RASGEF1A: variants seen among roughly 807,000 people sequenced by gnomAD.
The protein encoded by RASGEF1A is RasGEF domain family member 1A, also known as ras-GEF domain-containing family member 1A.
Under a neutral mutation model 56.4 loss-of-function variants are expected in RASGEF1A, and 18 were observed. The ratio of observed to expected loss-of-function variants is 0.32; its 90% CI spans 0.22 to 0.47. The LOEUF is 0.47. Among genes scored for constraint, RASGEF1A ranks in the 20% least tolerant of loss-of-function variants. The probability of loss-of-function intolerance (pLI) is 1.00; values close to 1 mark genes in which losing one functional copy is unlikely to be tolerated. For missense variants in RASGEF1A, 422 were observed against 627.1 expected, an observed-to-expected ratio of 0.67 and a Z score of 3.49; for synonymous variants, 245 against 242.6, an observed-to-expected ratio of 1.01 and a Z score of -0.09.
chr10:43,203,269 G>T (rs753031517), intron 3 of RASGEF1A, 29 bp downstream of exon 3: 2 of 1,348,388 alleles, frequency 1.5e-6, no homozygotes, highest in Non-Finnish European at 1.9e-6. Context: ...CCCTGCCCCC[G>T]CCCGTGCCCC....
chr10:43,262,513 C>A (rs1233391304), intron 1 of RASGEF1A, among the ~76,000 whole-genome samples: 1 of 152,224 alleles, frequency 6.6e-6, no homozygotes, highest in East Asian at 1.9e-4. Context: ...GTGGCCCAGG[C>A]CAGGCACCTC....
intron 1 of RASGEF1A, among the ~76,000 whole-genome samples, chr10:43,228,796 T>C (rs753224556): frequency 7.4e-4 from 112 of 152,174 alleles, no homozygotes; most frequent in Non-Finnish European, 8.5e-4. Context: ...AGGACAACAC[T>C]CTCCGTGCTG....
intron 1 of RASGEF1A, among the ~76,000 whole-genome samples, chr10:43,211,960 C>T (rs1217805381): frequency 6.6e-6 from 1 of 152,170 alleles, no homozygotes; most frequent in Non-Finnish European, 1.5e-5. Context: ...TGGAGCAGAA[C>T]CAGGTATGTG....
chr10:43,235,931 C>G (rs1840425895), intron 1 of RASGEF1A, among the ~76,000 whole-genome samples: 1 of 152,056 alleles, frequency 6.6e-6, no homozygotes, highest in South Asian at 2.1e-4. Flanking sequence ...CAACAGGGAC[C>G]CCTCCCATCA....
chr10:43,255,364 G>C (rs1840676676), intron 1 of RASGEF1A, among the ~76,000 whole-genome samples: 1 of 152,106 alleles, frequency 6.6e-6, no homozygotes. Context: ...AGGATATCCT[G>C]GACAGTGGGG....
At position 43,201,797 on chromosome 10, in the gene RASGEF1A, G is replaced by A. The variant is rs768779216; in HGVS notation, c.459+11C>T. 6.4e-7 allele frequency: 1 copy of A among 1,571,416 alleles called. No individual in the cohort carries two copies. The highest frequency in any genetic ancestry group is 2.3e-5 in the East Asian group (1 of 44,172). Reference sequence around the variant, plus strand: ...CCCAAAGACCCTGGCCAGAGCCCAGGGAGCACTCACCTCATCACACTGGGT... The same window carrying A: ...CCCAAAGACCCTGGCCAGAGCCCAGAGAGCACTCACCTCATCACACTGGGT... On this transcript the variant is annotated intron_variant, in intron 4 of 12. Transcript: ENST00000395810.
chr10:43,216,646 C>G (rs1370037072), intron 1 of RASGEF1A, among the ~76,000 whole-genome samples: 1 of 152,180 alleles, frequency 6.6e-6, no homozygotes, highest in African/African-American at 2.4e-5. Flanking sequence ...CCAGAGAAGG[C>G]CGTTGGGATG....
Position 43,195,295 on chromosome 10 carries a change from T to C in RASGEF1A, c.*949A>G, listed in dbSNP as rs1380208242. On this transcript the variant is annotated 3_prime_UTR_variant, in exon 13 of 13. Transcript: ENST00000395810. This position sits in a 1 kb window ranked among gnomAD's most constrained non-coding sequence, Gnocchi z 4.2. ...TTTATCTGAATGGGCTCCAGCAGTA[T>C]GGCCTGGCGAATTTTCTGTTTCCAA... The C allele has an allele frequency of 1.3e-5, 2 of 152,256 alleles. No individual in the cohort carries two copies. Among genetic ancestry groups the C allele is most frequent in the Admixed American group, 6.5e-5 (1 of 15,286 alleles). The allele number at this position is 152,256 out of a possible 1,614,324, so 9.4% of individuals were successfully genotyped here.
chr10:43,254,831 CA>C (rs1405553124), intron 1 of RASGEF1A, among the ~76,000 whole-genome samples: 2 of 152,136 alleles, frequency 1.3e-5, no homozygotes, highest in Non-Finnish European at 2.9e-5. Flanking sequence ...AGGGAGGGAA[CA>C]AAGGAGACAG....
chr10:43,265,909 G>A (rs1267894155), intron 1 of RASGEF1A, among the ~76,000 whole-genome samples: 4 of 152,244 alleles, frequency 2.6e-5, no homozygotes, highest in Admixed American at 1.3e-4. Context: ...AGGATCCTGC[G>A]GCCGACGGCC....
chr10:43,208,599 G>A (rs1216851326), intron 1 of RASGEF1A: 1 of 985,734 alleles, frequency 1.0e-6, no homozygotes, highest in Non-Finnish European at 1.2e-6. Context: ...GGGGGACCGT[G>A]TGGAGCCGCA....
chr10:43,196,352 C>CACCAGGGACCCTGG lies in RASGEF1A; in HGVS notation c.1422-98_1422-85dup. On this transcript the variant is annotated intron_variant, in intron 12 of 12. Transcript: ENST00000395810. The surrounding 1 kb of genome is among the most constrained non-coding windows in gnomAD (Gnocchi z 4.6). ...CATCCTCAGCCTCCCACCAAACATGCACCAGGGACCCTGGACCAGGGACGC... is the reference window on the plus strand; with the variant it reads ...CATCCTCAGCCTCCCACCAAACATGCACCAGGGACCCTGGACCAGGGACCCTGGACCAGGGACGC... 6.3e-7 allele frequency: 1 copy of CACCAGGGACCCTGG among 1,577,224 alleles called. No homozygotes were observed. Among genetic ancestry groups the CACCAGGGACCCTGG allele is most frequent in the Non-Finnish European group, 8.7e-7 (1 of 1,148,188 alleles).
chr10:43,196,863 T>A lies in RASGEF1A; in HGVS notation c.1348+113A>T, dbSNP rs1399364690. 7.6e-7 allele frequency: 1 copy of A among 1,319,204 alleles called. No homozygotes were observed. Among genetic ancestry groups the A allele is most frequent in the African/African-American group, 1.4e-5 (1 of 69,316 alleles). The allele number at this position is 1,319,204 out of a possible 1,614,324, so 81.7% of individuals were successfully genotyped here. ...GCCCCTGCGAGCAGAGCCAGCCCTG[T>A]GTGGCATGGAGCAGCCAGCAGGCCA... On this transcript the variant is annotated intron_variant, in intron 11 of 12. Coordinates refer to ENST00000395810, the MANE Select transcript of RASGEF1A (RefSeq NM_145313.4). This position sits in a 1 kb window ranked among gnomAD's most constrained non-coding sequence, Gnocchi z 4.6.
At chr10:43,237,858 C>T (rs924141600) in intron 1 of RASGEF1A, among the ~76,000 whole-genome samples, 1 of 152,182 alleles carries the variant, frequency 6.6e-6, no homozygotes, top group African/African-American at 2.4e-5. Context: ...GTCCCAGGAC[C>T]GCCATGTGAT....
chr10:43,201,555 G>A (rs1839898953), intron 4 of RASGEF1A, among the ~76,000 whole-genome samples: 1 of 152,220 alleles, frequency 6.6e-6, no homozygotes, highest in Non-Finnish European at 1.5e-5. Flanking sequence ...AGAGGGTTGA[G>A]ACAATGATTG....
chr10:43,266,864 G>T lies in RASGEF1A; in HGVS notation c.-26C>A, dbSNP rs1478125524. ...GCCTACCTCGGTCCGGGCCAGCGTC[G>T]CTCCCGCGCCGCCCTCGCGCCGCAG... On this transcript the variant is annotated 5_prime_UTR_variant, in exon 1 of 13. Transcript: ENST00000395810. 6.9e-6 allele frequency: 1 copy of T among 145,870 alleles called. No individual in the cohort carries two copies. Among genetic ancestry groups the T allele is most frequent in the Non-Finnish European group, 1.5e-5 (1 of 65,742 alleles). The allele number at this position is 145,870 out of a possible 1,614,324, so 9.0% of individuals were successfully genotyped here.
intron 1 of RASGEF1A, among the ~76,000 whole-genome samples, chr10:43,206,495 C>T (rs756879230): frequency 1.3e-5 from 2 of 152,170 alleles, no homozygotes; most frequent in Non-Finnish European, 2.9e-5. Context: ...GGGCTGGCCG[C>T]GCAGCTCCCA....
chr10:43,234,211 G>C (rs1381194382), intron 1 of RASGEF1A, among the ~76,000 whole-genome samples: 1 of 152,304 alleles, frequency 6.6e-6, no homozygotes, highest in East Asian at 1.9e-4. Context: ...GAAAACTGAA[G>C]GAGAGAAAAA....
In RASGEF1A at chr10:43,200,720, C is replaced by T. The variant is rs905237635; in HGVS notation, c.628G>A (p.Gly210Ser). ...AGCACCAGGGGGTCGCAGCACACGC[C>T]CAGGATGTCCTTCTGGGCGGCTGGT... ...KPPAAQKDIL[G>S]VCCDPLVLAQ... is the part of the protein sequence containing the mutation. Residue 210 changes from glycine (G) to serine (S), a missense_variant, in exon 5 of 13, where the codon GGC (glycine) becomes AGC (serine). Physicochemically the swap from Gly to Ser is moderately conservative, Grantham distance 56. This residue lies in a region of RASGEF1A where 273 missense variants were observed against 339.9 expected (regional missense o/e 0.80). Transcript: ENST00000395810. The T allele has an allele frequency of 9.9e-6, 16 of 1,613,506 alleles. No homozygotes were observed. Among genetic ancestry groups the T allele is most frequent in the Non-Finnish European group, 1.4e-5 (16 of 1,180,026 alleles).
Sources: allele counts gnomAD v4.1 joint callset (sites outside exome capture counted in the v4.1 genomes callset), GRCh38; gene constraint gnomAD v4.1.1; regional missense constraint gnomAD v4.1.1; non-coding constraint Gnocchi (gnomAD v3.1); transcripts MANE v1.5; gene names NCBI Gene and HGNC (gene_info 2026-07-23, HGNC 2026-07-21).